EPS15L1: variants seen among roughly 807,000 people sequenced by gnomAD.
The protein encoded by EPS15L1 is epidermal growth factor receptor pathway substrate 15 like 1, also known as epidermal growth factor receptor substrate 15-like 1.
Under a neutral mutation model 117.1 loss-of-function variants are expected in EPS15L1, and 43 were observed. The observed-to-expected ratio is 0.37, with a 90% CI of 0.29 to 0.47. EPS15L1 has a LOEUF of 0.47. EPS15L1 is among the 20% of genes least tolerant of loss of function. EPS15L1 has a pLI of 0.99. For missense variants in EPS15L1, 981 were observed against 1,164.0 expected (o/e 0.84, Z 2.29); for synonymous variants, 459 against 470.5 (o/e 0.98, Z 0.32).
intron 23 of EPS15L1, 107 bp from the exon 24 acceptor site, chr19:16,355,958 C>T (rs912186212): frequency 7.4e-7 from 1 of 1,350,128 alleles, no homozygotes; most frequent in African/African-American, 1.4e-5. Flanking sequence ...GCCCACCGCC[C>T]AGCGGAGGGT....
chr19:16,454,014 T>C (rs564277814), intron 1 of EPS15L1, among the ~76,000 whole-genome samples: 12 of 152,098 alleles, frequency 7.9e-5, no homozygotes, highest in African/African-American at 2.9e-4. Context: ...TGTGAAACAA[T>C]ACAAACTGGC....
At chr19:16,439,060 C>T (rs1454954029) in intron 4 of EPS15L1, among the ~76,000 whole-genome samples, 1 of 149,828 alleles carries the variant, frequency 6.7e-6, no homozygotes, top group Non-Finnish European at 1.5e-5. Context: ...GATCACTTAG[C>T]TTGTTTTTTT....
rs1218696135 is a variant in EPS15L1, at chr19:16,417,634, T to C, written c.1111A>G (p.Ser371Gly). The part of the protein sequence containing the change: ...PSERGTPGPD[S>G]SGSLGSGEFT... The stretch of plus-strand genomic sequence containing the variant: ...TCCCCGGAGCCGAGAGAGCCTGAAC[T>C]GTCCTAGAATTGAATTCAGAGGCGA... The change falls in exon 12 of 24, where the codon AGT becomes GGT. Residue 371 changes from serine to glycine, a missense_variant. By Grantham distance (56) the Ser-to-Gly change is moderately conservative. This residue lies in a region of EPS15L1 where 819 missense variants were observed against 949.0 expected (regional missense o/e 0.86). Coordinates refer to ENST00000455140, the MANE Select transcript of EPS15L1 (RefSeq NM_001258374.3). 2.5e-6 allele frequency: 4 copies of C among 1,613,980 alleles called. No individual in the cohort carries two copies. Among genetic ancestry groups the C allele is most frequent in the Non-Finnish European group, 3.4e-6 (4 of 1,179,852 alleles).
chr19:16,432,481 C>T (rs556376038), intron 7 of EPS15L1, among the ~76,000 whole-genome samples: 44 of 151,894 alleles, frequency 2.9e-4, no homozygotes, highest in South Asian at 8.3e-4. Context: ...GGCAGGAGAA[C>T]GGCGTGAACC....
intron 16 of EPS15L1, among the ~76,000 whole-genome samples, chr19:16,399,648 T>C (rs1334439738): frequency 4.6e-5 from 7 of 151,924 alleles, no homozygotes; most frequent in Admixed American, 2.6e-4. Context: ...TCCAAGCAAC[T>C]AGCTCACAAG....
At position 16,405,335 on chromosome 19, in the gene EPS15L1, C is replaced by T. The variant is rs79788478; in HGVS notation, c.1267-586G>A. 0.014 allele frequency among the ~76,000 whole-genome samples: 2,056 copies of T among 152,278 alleles called. 42 individuals carry two copies. Among genetic ancestry groups the T allele is most frequent in the African/African-American group, 0.047 (1,934 of 41,558 alleles). On this transcript the variant is annotated intron_variant, in intron 13 of 23. Transcript: ENST00000455140. The surrounding 1 kb of genome is among the most constrained non-coding windows in gnomAD (Gnocchi z 4.0). ...ATCAGAGGCTGCACCCCACAGGCCA[C>T]GCCAAGGAGACTGCGCTGGGCTCTG... is the stretch of plus-strand genomic sequence containing the variant.
intron 13 of EPS15L1, chr19:16,413,399 C>T (rs2092726299): frequency 1.4e-6 from 1 of 711,466 alleles, no homozygotes; most frequent in Non-Finnish European, 2.5e-6. Flanking sequence ...TCCTGGGCAA[C>T]TTCGACAAGG....
At chr19:16,417,440 G>C (rs921827479) in intron 12 of EPS15L1, 112 bp downstream of exon 12, 2 of 881,682 alleles carry the variant, frequency 2.3e-6, no homozygotes, top group Non-Finnish European at 3.6e-6. Flanking sequence ...CCTTCCTTCT[G>C]AATAAACCTG....
chr19:16,374,604 T>C (rs184883716), intron 22 of EPS15L1, among the ~76,000 whole-genome samples: 9 of 152,266 alleles, frequency 5.9e-5, no homozygotes, highest in African/African-American at 2.2e-4. Context: ...AGGTGATAAC[T>C]GAGGGAAAGT....
At chr19:16,413,023 T>C in intron 13 of EPS15L1, 2 of 736,020 alleles carry the variant, frequency 2.7e-6, no homozygotes, top group Non-Finnish European at 2.4e-6. Context: ...TTGAAGATTA[T>C]GCCAGTGCAG....
chr19:16,470,013 A>G (rs2093335038), intron 1 of EPS15L1, among the ~76,000 whole-genome samples: 1 of 152,148 alleles, frequency 6.6e-6, no homozygotes, highest in African/African-American at 2.4e-5. Context: ...AAGTGCTGAC[A>G]TTTCCAAACG....
chr19:16,457,038 C>T (rs945498108), intron 1 of EPS15L1, among the ~76,000 whole-genome samples: 2 of 152,120 alleles, frequency 1.3e-5, no homozygotes, highest in Non-Finnish European at 2.9e-5. Flanking sequence ...CTGCAAGGAG[C>T]AGGGCTGGAA....
Position 16,392,356 on chromosome 19 carries a change from T to C in EPS15L1, c.2051A>G (p.Asn684Ser), listed in dbSNP as rs766615514. 1 of 1,614,198 alleles carries C rather than the reference T, an allele frequency of 6.2e-7. No individual in the cohort carries two copies. The highest frequency in any genetic ancestry group is 1.7e-5 in the Admixed American group (1 of 60,030). Reference sequence around the variant, plus strand: ...GAATGGATCCGAGGTAAATGGGTCATTCTTTGTCTGTTTCTTGAAGAAGTC... The same window carrying C: ...GAATGGATCCGAGGTAAATGGGTCACTCTTTGTCTGTTTCTTGAAGAAGTC... ...TDDFFKKQTK[N>S]DPFTSDPFTK... is the part of the protein sequence containing the mutation. The change falls in exon 19 of 24, where the codon AAT becomes AGT. Residue 684 changes from asparagine to serine, a missense_variant. Around this residue, in one of 5 missense-constraint regions of EPS15L1, gnomAD observed 819 missense variants for 949.0 expected, o/e 0.86. Coordinates refer to ENST00000455140, the MANE Select transcript of EPS15L1 (RefSeq NM_001258374.3).
intron 16 of EPS15L1, chr19:16,401,847 C>T: frequency 2.0e-6 from 2 of 987,320 alleles, no homozygotes; most frequent in Non-Finnish European, 2.4e-6. Flanking sequence ...CGCTGCTTGC[C>T]ATTACTTCCT....
intron 1 of EPS15L1, among the ~76,000 whole-genome samples, chr19:16,456,227 A>C (rs539447317): frequency 3.0e-4 from 45 of 152,044 alleles, no homozygotes; most frequent in Non-Finnish European, 5.9e-4. Context: ...AACCCTCCTG[A>C]AAAAGGGTCC....
rs537517684 is a variant in EPS15L1, at chr19:16,471,182, A to T, written c.33+731T>A. On this transcript the variant is annotated intron_variant, in intron 1 of 23. Transcript: ENST00000455140. This position sits in a 1 kb window ranked among gnomAD's most constrained non-coding sequence, Gnocchi z 4.8. ...AGTTCCCACGAGTGTCACCTCCAGG[A>T]AAGCAGCGACCTTGTCTGTCTGGAA... Among the ~76,000 whole-genome samples the T allele has an allele frequency of 6.6e-6, 1 of 152,348 alleles. No individual in the cohort carries two copies. Among genetic ancestry groups the T allele is most frequent in the South Asian group, 2.1e-4 (1 of 4,828 alleles).
chr19:16,441,876 A>G lies in EPS15L1; in HGVS notation c.165+16T>C. The G allele has an allele frequency of 1.9e-6, 3 of 1,600,004 alleles. No homozygotes were observed. Among genetic ancestry groups the G allele is most frequent in the Non-Finnish European group, 2.6e-6 (3 of 1,169,028 alleles). The stretch of plus-strand genomic sequence containing the variant: ...GGGCAGCCACAGAAGAGAAATCACT[A>G]TTCATCTTCACATACCTTCCCAAGG... On this transcript the variant is annotated intron_variant, in intron 3 of 23. Coordinates refer to ENST00000455140, the MANE Select transcript of EPS15L1 (RefSeq NM_001258374.3).
rs938334700 is a variant in EPS15L1, at chr19:16,462,636, C to T, written c.33+9277G>A. Reference sequence around the variant, plus strand: ...TGAGCCAAGATCATGCCATTACACTCCAGCCTGGGTGACAAAGCGGGACTC... The same window carrying T: ...TGAGCCAAGATCATGCCATTACACTTCAGCCTGGGTGACAAAGCGGGACTC... On this transcript the variant is annotated intron_variant, in intron 1 of 23. Transcript: ENST00000455140. Among the ~76,000 whole-genome samples, 3 of 152,136 alleles carry T rather than the reference C, an allele frequency of 2.0e-5. No homozygotes were observed. In the East Asian group the frequency reaches 5.8e-4, roughly 29 times the overall value.
intron 23 of EPS15L1, among the ~76,000 whole-genome samples, chr19:16,360,140 TC>T (rs1315195723): frequency 6.6e-6 from 1 of 151,778 alleles, no homozygotes; most frequent in East Asian, 1.9e-4. Context: ...ATTATGAATT[TC>T]AGAAAGAGAA....
Sources: allele counts gnomAD v4.1 joint callset (sites outside exome capture counted in the v4.1 genomes callset), GRCh38; gene constraint gnomAD v4.1.1; regional missense constraint gnomAD v4.1.1; non-coding constraint Gnocchi (gnomAD v3.1); transcripts MANE v1.5; gene names NCBI Gene and HGNC (gene_info 2026-07-23, HGNC 2026-07-21).